The following WDFY2 variants were observed in gnomAD, a reference collection of about 807,000 sequenced individuals.
WDFY2 encodes the protein WD repeat and FYVE domain containing 2.
Under a neutral mutation model 56.4 loss-of-function variants are expected in WDFY2, and 36 were observed. That is an observed-to-expected ratio of 0.64 (90% confidence interval 0.49 to 0.84). WDFY2 has a LOEUF of 0.84. WDFY2 is among the 40% of genes least tolerant of loss of function. The pLI, the probability that WDFY2 is intolerant of heterozygous loss-of-function variation, is 0.00. For synonymous variants in WDFY2, 176 were observed against 183.7 expected, an observed-to-expected ratio of 0.96 and a Z score of 0.34; for missense variants, 444 against 512.2, an observed-to-expected ratio of 0.87 and a Z score of 1.29.
At chr13:51,666,051 A>G (rs1269289756) in intron 2 of WDFY2, among the ~76,000 whole-genome samples, 2 of 152,188 alleles carry the variant, frequency 1.3e-5, no homozygotes, top group Non-Finnish European at 2.9e-5. Context: ...GATACCTACC[A>G]TCTGTTCAGT....
At chr13:51,711,991 G>A (rs912096848) in intron 4 of WDFY2, among the ~76,000 whole-genome samples, 24 of 152,138 alleles carry the variant, frequency 1.6e-4, no homozygotes, top group South Asian at 8.3e-4. Flanking sequence ...ACATGTACAC[G>A]TATGTTTATT....
intron 4 of WDFY2, among the ~76,000 whole-genome samples, chr13:51,706,278 A>G (rs566473866): frequency 2.6e-5 from 4 of 152,360 alleles, no homozygotes; most frequent in African/African-American, 9.6e-5. Context: ...AATTTCTATG[A>G]GCCAGAACCA....
intron 1 of WDFY2, among the ~76,000 whole-genome samples, chr13:51,598,252 C>T (rs896430322): frequency 6.6e-6 from 1 of 151,880 alleles, no homozygotes; most frequent in Admixed American, 6.6e-5. Flanking sequence ...CCCAGCTACT[C>T]GGGGGCTGGG....
intron 3 of WDFY2, among the ~76,000 whole-genome samples, chr13:51,677,021 A>G (rs1373719813): frequency 6.6e-6 from 1 of 152,212 alleles, no homozygotes; most frequent in Admixed American, 6.5e-5. Flanking sequence ...TAGGTGGTTA[A>G]TGGATACTGA....
rs1012968478 is a variant in WDFY2 at position 51,755,411 on chromosome 13, C to T, written c.885C>T (p.Phe295=). Residue 295 remains phenylalanine (F), a synonymous_variant, in exon 9 of 12, where the codon TTC becomes TTT. Transcript: ENST00000298125. Reference sequence around the variant, plus strand: ...GCCAAAAGTGTGATCAGCCTTTCTTCTGGAACTTCAAGCAAATGTGGGACA... The same window carrying T: ...GCCAAAAGTGTGATCAGCCTTTCTTTTGGAACTTCAAGCAAATGTGGGACA... ...DSCQKCDQPF[F]WNFKQMWDSK... is the part of the protein sequence containing the mutation. 6.2e-7 allele frequency: 1 copy of T among 1,614,060 alleles called. No homozygotes were observed. Among genetic ancestry groups the T allele is most frequent in the African/African-American group, 1.3e-5 (1 of 74,912 alleles).
At chr13:51,713,461 GAATA>G (rs1213911891) in intron 4 of WDFY2, among the ~76,000 whole-genome samples, 4 of 152,164 alleles carry the variant, frequency 2.6e-5, no homozygotes, top group African/African-American at 7.2e-5. Context: ...ACACATGAAT[GAATA>G]AATAAGTTTG....
chr13:51,715,419 C>T (rs183606942), intron 4 of WDFY2, among the ~76,000 whole-genome samples: 6 of 152,046 alleles, frequency 3.9e-5, no homozygotes, highest in Non-Finnish European at 8.8e-5. Context: ...CACAAACACA[C>T]GCATTAGCCT....
At chr13:51,676,183 T>G (rs1955885997) in intron 3 of WDFY2, among the ~76,000 whole-genome samples, 3 of 152,232 alleles carry the variant, frequency 2.0e-5, no homozygotes, top group Admixed American at 2.0e-4. Flanking sequence ...GAGTCTTCAC[T>G]GACCTTTTTC....
At chr13:51,588,354 A>C (rs1953982867) in intron 1 of WDFY2, 1 of 152,270 alleles carries the variant, frequency 6.6e-6, no homozygotes, top group Non-Finnish European at 1.5e-5. Context: ...ACCTCTCTCC[A>C]GGTGGGACCA....
chr13:51,704,802 TA>T (rs1430071611), intron 4 of WDFY2, among the ~76,000 whole-genome samples: 3 of 152,228 alleles, frequency 2.0e-5, no homozygotes, highest in Non-Finnish European at 4.4e-5. Context: ...ATACATTACT[TA>T]AAAAAATTTT....
chr13:51,611,038 A>G (rs1954492743), intron 1 of WDFY2, among the ~76,000 whole-genome samples: 1 of 152,234 alleles, frequency 6.6e-6, no homozygotes, highest in South Asian at 2.1e-4. Context: ...ATTAAAAATT[A>G]CATGTGTTCT....
intron 1 of WDFY2, among the ~76,000 whole-genome samples, chr13:51,632,209 G>A (rs1240883565): frequency 6.6e-6 from 1 of 151,844 alleles, no homozygotes; most frequent in African/African-American, 2.4e-5. Flanking sequence ...CTTGGTGGAG[G>A]AGCGGATGTC....
intron 4 of WDFY2, among the ~76,000 whole-genome samples, chr13:51,709,053 G>C (rs545337687): frequency 6.6e-6 from 1 of 152,176 alleles, no homozygotes; most frequent in Admixed American, 6.5e-5. Flanking sequence ...GTTATAGATA[G>C]AAATTTTAAT....
intron 1 of WDFY2, among the ~76,000 whole-genome samples, chr13:51,616,735 C>T (rs886292261): frequency 2.0e-5 from 3 of 152,180 alleles, no homozygotes; most frequent in African/African-American, 7.2e-5. Context: ...TTTAAGGAGG[C>T]TGGAAAGTGC....
chr13:51,679,857 T>G (rs1955948703), intron 3 of WDFY2, among the ~76,000 whole-genome samples: 1 of 152,132 alleles, frequency 6.6e-6, no homozygotes, highest in African/African-American at 2.4e-5. Flanking sequence ...AATGTGTCTC[T>G]CCAGTTCTTG....
intron 10 of WDFY2, among the ~76,000 whole-genome samples, chr13:51,757,054 A>G (rs181911215): frequency 6.6e-6 from 1 of 152,330 alleles, no homozygotes; most frequent in Admixed American, 6.5e-5. Flanking sequence ...AGATGTAAAC[A>G]CAGTGCTCTG....
intron 1 of WDFY2, among the ~76,000 whole-genome samples, chr13:51,629,675 C>T (rs561607014): frequency 6.6e-6 from 1 of 152,070 alleles, no homozygotes; most frequent in South Asian, 2.1e-4. Flanking sequence ...TTAAAAACCT[C>T]ATAAACAAAT....
rs368387758 is a variant in WDFY2 at position 51,690,102 on chromosome 13, T to C, written c.280-13494T>C. On this transcript the variant is annotated intron_variant, in intron 3 of 11. Coordinates refer to ENST00000298125, the MANE Select transcript of WDFY2 (RefSeq NM_052950.4). ...AATACTTATTTTTTATAGATTGTTA[T>C]TTATATTAACATGTAATACATTTGC... 2.6e-5 allele frequency among the ~76,000 whole-genome samples: 4 copies of C among 151,770 alleles called. No individual in the cohort carries two copies. In the East Asian group the frequency reaches 5.8e-4, roughly 22 times the overall value.
Position 51,736,647 on chromosome 13 carries a change from C to T in WDFY2, c.599-2402C>T, listed in dbSNP as rs529403350. On this transcript the variant is annotated intron_variant, in intron 6 of 11. Transcript: ENST00000298125. ...AGCTGGAACTACAGGTGCGCGCCACCACGCCCAGCTAATTTTTGTATTTTT... is the reference window on the plus strand; with the variant it reads ...AGCTGGAACTACAGGTGCGCGCCACTACGCCCAGCTAATTTTTGTATTTTT... Among the ~76,000 whole-genome samples, 291 of 152,314 alleles carry T rather than the reference C, an allele frequency of 1.9e-3. 2 individuals carry two copies. The highest frequency in any genetic ancestry group is 6.5e-3 in the African/African-American group (271 of 41,570).
Sources: allele counts gnomAD v4.1 joint callset (sites outside exome capture counted in the v4.1 genomes callset), GRCh38; gene constraint gnomAD v4.1.1; transcripts MANE v1.5; gene names NCBI Gene and HGNC (gene_info 2026-07-23, HGNC 2026-07-21).